Variants in KIAA0825 observed in about 807,000 individuals in gnomAD.
KIAA0825 encodes uncharacterized protein KIAA0825.
A neutral mutation model predicts 147.6 loss-of-function variants in KIAA0825; 119 were observed. The observed-to-expected ratio is 0.81, with a 90% CI of 0.69 to 0.94. The LOEUF (loss-of-function observed/expected upper bound fraction) is 0.94, where lower values mean the gene tolerates loss of function less well. Ranked by LOEUF, KIAA0825 falls within the 40% of genes least tolerant of loss-of-function variation. KIAA0825 has a pLI of 0.00. For missense variants in KIAA0825, 1,381 were observed against 1,472.7 expected (o/e 0.94, Z 1.02); for synonymous variants, 470 against 518.1 (o/e 0.91, Z 1.26).
At chr5:94,469,361 G>A (rs1159618561) in intron 10 of KIAA0825, among the ~76,000 whole-genome samples, 1 of 151,934 alleles carries the variant, frequency 6.6e-6, no homozygotes, top group East Asian at 1.9e-4. Context: ...TACTAGAGAT[G>A]GGGTTTCACC....
At chr5:94,291,567 T>C (rs1385007950) in intron 20 of KIAA0825, among the ~76,000 whole-genome samples, 1 of 152,202 alleles carries the variant, frequency 6.6e-6, no homozygotes, top group African/African-American at 2.4e-5. Context: ...GTTTTGTTCT[T>C]TTTGCTTAGG....
intron 1 of KIAA0825, among the ~76,000 whole-genome samples, chr5:94,601,540 G>A (rs1158745330): frequency 6.6e-6 from 1 of 152,114 alleles, no homozygotes; most frequent in Non-Finnish European, 1.5e-5. Flanking sequence ...TTTTGGAAAG[G>A]GGCTGAGGCT....
chr5:94,544,246 T>C (rs2151390426), intron 2 of KIAA0825, among the ~76,000 whole-genome samples: 1 of 152,386 alleles, frequency 6.6e-6, no homozygotes, highest in East Asian at 1.9e-4. Context: ...GCTTCTCATA[T>C]TGTGTTCAAC....
chr5:94,609,925 G>A (rs1788369697), intron 1 of KIAA0825, among the ~76,000 whole-genome samples: 1 of 152,182 alleles, frequency 6.6e-6, no homozygotes, highest in African/African-American at 2.4e-5. Context: ...GTAGAGGACA[G>A]ACTGGATCAC....
At chr5:94,250,841 C>A (rs930448239) in intron 20 of KIAA0825, among the ~76,000 whole-genome samples, 2 of 152,064 alleles carry the variant, frequency 1.3e-5, no homozygotes, top group African/African-American at 4.8e-5. Flanking sequence ...ATATGCAATG[C>A]AAACTAAATA....
At chr5:94,471,329 A>T (rs749360758) in intron 9 of KIAA0825, 137 bp downstream of exon 9, 19 of 955,992 alleles carry the variant, frequency 2.0e-5, no homozygotes, top group Non-Finnish European at 2.6e-5. Flanking sequence ...CCTAGTTAAG[A>T]CAAATGAAAA....
intron 1 of KIAA0825, among the ~76,000 whole-genome samples, chr5:94,590,447 A>C (rs1784145114): frequency 6.6e-6 from 1 of 152,206 alleles, no homozygotes; most frequent in African/African-American, 2.4e-5. Context: ...TCTCAAGGAC[A>C]ACAGCCACAC....
intron 5 of KIAA0825, among the ~76,000 whole-genome samples, chr5:94,485,227 T>G (rs1442151424): frequency 6.6e-6 from 1 of 151,696 alleles, no homozygotes; most frequent in Non-Finnish European, 1.5e-5. Context: ...AATTCTGCTT[T>G]TTTTTTTCGG....
At chr5:94,279,942 A>G (rs944839590) in intron 20 of KIAA0825, among the ~76,000 whole-genome samples, 1 of 152,132 alleles carries the variant, frequency 6.6e-6, no homozygotes, top group Non-Finnish European at 1.5e-5. Flanking sequence ...TAAAGGAATG[A>G]AGAAATATGT....
intron 20 of KIAA0825, among the ~76,000 whole-genome samples, chr5:94,296,970 T>A (rs1054963353): frequency 3.3e-5 from 5 of 152,164 alleles, no homozygotes; most frequent in African/African-American, 1.2e-4. Flanking sequence ...TCCTTAAAAA[T>A]TTTTTATTGG....
At chr5:94,344,513 C>CA (rs898887281) in intron 20 of KIAA0825, among the ~76,000 whole-genome samples, 6 of 151,784 alleles carry the variant, frequency 4.0e-5, no homozygotes, top group African/African-American at 1.5e-4. Context: ...GGCAGTTCTT[C>CA]AAAAAATTAA....
At chr5:94,181,540 TA>T (rs1769613696) in intron 20 of KIAA0825, among the ~76,000 whole-genome samples, 1 of 152,220 alleles carries the variant, frequency 6.6e-6, no homozygotes, top group Non-Finnish European at 1.5e-5. Flanking sequence ...TTTACAAATG[TA>T]AACAGTGATT....
At chr5:94,205,724 G>C (rs1772136511) in intron 20 of KIAA0825, among the ~76,000 whole-genome samples, 1 of 151,860 alleles carries the variant, frequency 6.6e-6, no homozygotes, top group Non-Finnish European at 1.5e-5. Flanking sequence ...ATATTTTCTT[G>C]CCCTGGAAAT....
chr5:94,215,268 A>C (rs1352969018), intron 20 of KIAA0825, among the ~76,000 whole-genome samples: 3 of 152,216 alleles, frequency 2.0e-5, no homozygotes, highest in Non-Finnish European at 1.5e-5. Context: ...GAAAGTAGTA[A>C]AAATAAAAGA....
chr5:94,299,809 A>C (rs1039094581), intron 20 of KIAA0825, among the ~76,000 whole-genome samples: 6 of 152,180 alleles, frequency 3.9e-5, no homozygotes, highest in African/African-American at 1.4e-4. Flanking sequence ...TGAGTTCCTT[A>C]GCTAGAGCCA....
At chr5:94,177,986 G>A (rs1299333823) in intron 20 of KIAA0825, among the ~76,000 whole-genome samples, 1 of 152,024 alleles carries the variant, frequency 6.6e-6, no homozygotes, top group Non-Finnish European at 1.5e-5. Context: ...GTAAAAGTCA[G>A]TATCCAAGTC....
intron 5 of KIAA0825, among the ~76,000 whole-genome samples, chr5:94,513,081 T>C (rs1029706575): frequency 1.3e-5 from 2 of 152,192 alleles, no homozygotes; most frequent in Non-Finnish European, 2.9e-5. Flanking sequence ...TTGTTCAATA[T>C]TGAATAGTTG....
In KIAA0825 at chr5:94,554,126, G is replaced by A. The variant is rs1454459812; in HGVS notation, c.-1-16999C>T. 2.0e-5 allele frequency among the ~76,000 whole-genome samples: 3 copies of A among 152,146 alleles called. No individual in the cohort carries two copies. The East Asian group carries it at 5.8e-4, about 29-fold the overall frequency. ...TCTATGGTGATAGGAGAGATCCCCT[G>A]TATAATCCCTGAAACTCTAAGCTCC... On this transcript the variant is annotated intron_variant, in intron 2 of 20. Transcript: ENST00000682413.
intron 16 of KIAA0825, among the ~76,000 whole-genome samples, chr5:94,401,401 A>G (rs997125431): frequency 1.2e-4 from 18 of 152,220 alleles, no homozygotes; most frequent in African/African-American, 4.3e-4. Context: ...TAGTTGACTT[A>G]TTGGTTTATA....
Sources: gnomAD v4.1 joint callset for allele counts (sites outside exome capture counted in the v4.1 genomes callset) on GRCh38, gnomAD v4.1.1 for gene constraint, MANE v1.5 for transcripts, NCBI Gene and HGNC (gene_info 2026-07-23, HGNC 2026-07-21) for gene names.